The following OSBPL10 variants were observed in gnomAD, a reference collection of about 807,000 sequenced individuals.
OSBPL10 encodes the protein oxysterol-binding protein-related protein 10.
A neutral mutation model predicts 81.7 loss-of-function variants in OSBPL10; 49 were observed. The observed-to-expected ratio is 0.60, with a 90% CI of 0.48 to 0.76. The LOEUF (loss-of-function observed/expected upper bound fraction) is 0.76. OSBPL10 is among the 30% of genes least tolerant of loss of function. The probability of loss-of-function intolerance (pLI) is 0.00; values close to 1 mark genes in which losing one functional copy is unlikely to be tolerated. For synonymous variants in OSBPL10, 419 were observed against 383.6 expected, an observed-to-expected ratio of 1.09 and a Z score of -1.08; for missense variants, 923 against 987.8, an observed-to-expected ratio of 0.93 and a Z score of 0.88.
At chr3:31,989,288 T>C in intron 2 of OSBPL10, 2 of 1,614,162 alleles carry the variant, frequency 1.2e-6, no homozygotes, top group Non-Finnish European at 1.7e-6. Flanking sequence ...TCCAAATGCA[T>C]GATGAAGAAG....
chr3:31,965,575 A>AATATATTATATAAATTATATATT (rs1553644452), intron 1 of OSBPL10, among the ~76,000 whole-genome samples: 36 of 77,456 alleles, frequency 4.6e-4, no homozygotes, highest in African/African-American at 9.8e-4. Flanking sequence ...TATATTATAT[A>AATATATTATATAAATTATATATT]ATATATTATA....
intron 1 of OSBPL10, chr3:31,906,825 T>C (rs772115930): frequency 6.6e-6 from 1 of 152,210 alleles, no homozygotes; most frequent in African/African-American, 2.4e-5. Context: ...TTTTAGATCA[T>C]CCATGGCTAA....
At chr3:31,990,857 A>G in intron 2 of OSBPL10, 1 of 1,581,292 alleles carries the variant, frequency 6.3e-7, no homozygotes, top group Non-Finnish European at 8.6e-7. Flanking sequence ...GGAGAGAAAC[A>G]TCACAAGTGT....
chr3:31,901,180 A>G (rs1037038027), intron 1 of OSBPL10, among the ~76,000 whole-genome samples: 1 of 152,204 alleles, frequency 6.6e-6, no homozygotes, highest in East Asian at 1.9e-4. Flanking sequence ...CCCCACATCC[A>G]TTCTCACTCA....
intron 6 of OSBPL10, chr3:31,707,562 A>T (rs182236294): frequency 1.3e-5 from 2 of 152,326 alleles, no homozygotes; most frequent in Admixed American, 1.3e-4. Context: ...CTGAGTGACA[A>T]GACCATACAC....
chr3:31,923,730 T>G (rs770152958), intron 1 of OSBPL10, among the ~76,000 whole-genome samples: 3 of 152,046 alleles, frequency 2.0e-5, no homozygotes, highest in Non-Finnish European at 4.4e-5. Flanking sequence ...GAGACTACAG[T>G]GAGTTATGAT....
rs1277967823 is a variant in OSBPL10 at position 32,062,176 on chromosome 3, C to T, written n.185+15220G>A. 3.2e-5 allele frequency among the ~76,000 whole-genome samples: 3 copies of T among 93,148 alleles called. 1 individual carries two copies. Among genetic ancestry groups the T allele is most frequent in the African/African-American group, 8.3e-5 (3 of 36,288 alleles). 61.1% of individuals were successfully genotyped at this position (93,148 alleles called of 152,430 possible). A position where few individuals can be genotyped will look rare whatever the true frequency, so the allele number is the denominator to read the frequency against. On this transcript the variant is annotated intron_variant and non_coding_transcript_variant, in intron 1 of 3. Transcript: ENST00000479173. ...AGGCTGGAATGCAGTGGCACAATCTCGGCTCACTGCAACCTCCACCTCCCA... is the reference window on the plus strand; with the variant it reads ...AGGCTGGAATGCAGTGGCACAATCTTGGCTCACTGCAACCTCCACCTCCCA...
At chr3:31,806,076 C>A (rs1255677281) in intron 4 of OSBPL10, among the ~76,000 whole-genome samples, 1 of 152,182 alleles carries the variant, frequency 6.6e-6, no homozygotes, top group Non-Finnish European at 1.5e-5. Context: ...CAAGGGCAGG[C>A]CAGGAATTGA....
chr3:31,964,582 A>G (rs1420063403), intron 1 of OSBPL10, among the ~76,000 whole-genome samples: 2 of 152,336 alleles, frequency 1.3e-5, no homozygotes, highest in East Asian at 3.9e-4. Context: ...TAACATCTTT[A>G]CATTAAGTCT....
intron 1 of OSBPL10, among the ~76,000 whole-genome samples, chr3:31,960,624 T>A (rs939302456): frequency 6.6e-6 from 1 of 152,128 alleles, no homozygotes; most frequent in African/African-American, 2.4e-5. Context: ...CATTTCCAAG[T>A]AAAAATGGAA....
At chr3:31,941,056 A>C (rs1028780711) in intron 1 of OSBPL10, among the ~76,000 whole-genome samples, 5 of 152,196 alleles carry the variant, frequency 3.3e-5, no homozygotes, top group Non-Finnish European at 7.3e-5. Flanking sequence ...GAGAATGGTA[A>C]ATGTACTCAA....
chr3:31,782,535 C>T (rs1575540703), intron 4 of OSBPL10, among the ~76,000 whole-genome samples: 2 of 152,168 alleles, frequency 1.3e-5, no homozygotes, highest in South Asian at 4.1e-4. Flanking sequence ...TATTTGAAAA[C>T]TGTGCCTCTG....
At chr3:32,016,151 G>T (rs1254121867) in intron 2 of OSBPL10, among the ~76,000 whole-genome samples, 1 of 152,190 alleles carries the variant, frequency 6.6e-6, no homozygotes, top group Non-Finnish European at 1.5e-5. Context: ...GCACACGTAT[G>T]TTTATTGCAG....
chr3:31,869,506 C>T (rs1408780314), intron 3 of OSBPL10, among the ~76,000 whole-genome samples: 6 of 152,136 alleles, frequency 3.9e-5, no homozygotes, highest in African/African-American at 1.2e-4. Context: ...ACTGTAGAAT[C>T]AGAATCAATT....
chr3:31,662,331 C>G, intron 11 of OSBPL10: 3 of 1,295,106 alleles, frequency 2.3e-6, no homozygotes, highest in Non-Finnish European at 2.9e-6. Flanking sequence ...GAGGAAACCC[C>G]AAGAAATGAG....
chr3:31,788,361 G>T (rs1322511182), intron 4 of OSBPL10, among the ~76,000 whole-genome samples: 1 of 152,144 alleles, frequency 6.6e-6, no homozygotes, highest in Admixed American at 6.5e-5. Flanking sequence ...AAGTATCAAA[G>T]AAATGATAGA....
At chr3:31,946,034 G>T (rs1317572638) in intron 1 of OSBPL10, among the ~76,000 whole-genome samples, 1 of 151,786 alleles carries the variant, frequency 6.6e-6, no homozygotes, top group East Asian at 1.9e-4. Context: ...AGGCTGGAGT[G>T]CAATGGCATG....
At chr3:32,023,886 G>A (rs1204631097) in intron 2 of OSBPL10, among the ~76,000 whole-genome samples, 2 of 152,100 alleles carry the variant, frequency 1.3e-5, no homozygotes, top group Non-Finnish European at 2.9e-5. Context: ...GGCACAGTAA[G>A]AGACTAACAA....
chr3:31,696,731 C>T (rs543358640), intron 7 of OSBPL10, among the ~76,000 whole-genome samples: 178 of 152,352 alleles, frequency 1.2e-3, no homozygotes, highest in Middle Eastern at 6.8e-3. Context: ...ATATTTTTCC[C>T]CATGTCTCTA....
Sources: allele counts gnomAD v4.1 joint callset (sites outside exome capture counted in the v4.1 genomes callset), GRCh38; gene constraint gnomAD v4.1.1; transcripts MANE v1.5; gene names NCBI Gene and HGNC (gene_info 2026-07-23, HGNC 2026-07-21).